Variants in ANKDD1B observed in about 807,000 individuals in gnomAD.
ANKDD1B encodes ankyrin repeat and death domain-containing protein 1B.
ANKDD1B carries 57 observed loss-of-function variants against 59.7 expected under a neutral mutation model. The observed-to-expected ratio is 0.95, with a 90% CI of 0.77 to 1.19. The LOEUF (loss-of-function observed/expected upper bound fraction) is 1.19, where lower values mean the gene tolerates loss of function less well. ANKDD1B is among the 50% of genes most tolerant of loss of function. ANKDD1B has a pLI of 0.00. For synonymous variants in ANKDD1B, 216 were observed against 239.5 expected (o/e 0.90, Z 0.91); for missense variants, 602 against 641.9 (o/e 0.94, Z 0.67).
chr5:75,659,239 C>CT (rs1775051935), intron 9 of ANKDD1B, 44 bp from the exon 10 acceptor site: 1 of 1,427,734 alleles, frequency 7.0e-7, no homozygotes, highest in African/African-American at 1.4e-5. Context: ...TTCCATTTGT[C>CT]TTTTCACCGT....
rs538775313 is a variant in ANKDD1B, at chr5:75,649,433, C to T, written c.799-3709C>T. Reference sequence around the variant, plus strand: ...TGAATGTCAATTAAATATTTATTCACTTCAATTTTGTGGTTTTCTTTTGGT... The same window carrying T: ...TGAATGTCAATTAAATATTTATTCATTTCAATTTTGTGGTTTTCTTTTGGT... On this transcript the variant is annotated intron_variant, in intron 7 of 13. Coordinates refer to ENST00000601380, the MANE Select transcript of ANKDD1B (RefSeq NM_001276713.2). Among the ~76,000 whole-genome samples the T allele has an allele frequency of 2.6e-5, 4 of 152,150 alleles. 1 individual carries two copies. The South Asian group carries it at 8.3e-4, about 32-fold the overall frequency.
intron 1 of ANKDD1B, among the ~76,000 whole-genome samples, chr5:75,613,387 T>C (rs184620365): frequency 5.3e-5 from 8 of 152,176 alleles, no homozygotes; most frequent in Admixed American, 3.9e-4. Context: ...TTCCAGGAGA[T>C]TGACATATGA....
chr5:75,658,170 C>T (rs1364400725), intron 9 of ANKDD1B, among the ~76,000 whole-genome samples: 1 of 152,052 alleles, frequency 6.6e-6, no homozygotes, highest in Non-Finnish European at 1.5e-5. Context: ...GCATTCCAGT[C>T]TGAGTGACAG....
chr5:75,620,280 T>C (rs754476155), intron 2 of ANKDD1B, 35 bp from the exon 3 acceptor site: 3 of 1,097,490 alleles, frequency 2.7e-6, no homozygotes, highest in African/African-American at 3.1e-5. Flanking sequence ...TGAATAATGA[T>C]CAGATGACTA....
intron 2 of ANKDD1B, among the ~76,000 whole-genome samples, chr5:75,619,607 T>C (rs1333379419): frequency 6.6e-6 from 1 of 152,234 alleles, no homozygotes; most frequent in Non-Finnish European, 1.5e-5. Flanking sequence ...CCAGACATCT[T>C]ATTTGGGAGC....
At chr5:75,647,920 C>T (rs1375247135) in intron 7 of ANKDD1B, among the ~76,000 whole-genome samples, 1 of 107,200 alleles carries the variant, frequency 9.3e-6, no homozygotes, top group Non-Finnish European at 1.7e-5. Flanking sequence ...TACTATGCAG[C>T]CATAAAAAAT....
intron 7 of ANKDD1B, among the ~76,000 whole-genome samples, chr5:75,636,444 G>C (rs1401451167): frequency 1.3e-5 from 2 of 152,304 alleles, no homozygotes; most frequent in East Asian, 3.9e-4. Context: ...GAGGATAGGA[G>C]TGCTGGGAAA....
rs1774111463 is a variant in ANKDD1B at position 75,630,209 on chromosome 5, A to G, written c.600+4254A>G. Among the ~76,000 whole-genome samples, 7 of 152,334 alleles carry G rather than the reference A, an allele frequency of 4.6e-5. 1 individual carries two copies. The South Asian group carries it at 1.5e-3, about 32-fold the overall frequency. On this transcript the variant is annotated intron_variant, in intron 5 of 13. Transcript: ENST00000601380. Reference sequence around the variant, plus strand: ...AAAGGATTGGGTAGTTAAAAAAAATAAAGGACATGATAAGAAACTATATTG... The same window carrying G: ...AAAGGATTGGGTAGTTAAAAAAAATGAAGGACATGATAAGAAACTATATTG...
rs1775410847 is a variant in ANKDD1B, at chr5:75,669,381, C to T, written c.1523C>T (p.Ala508Val). 7 of 1,231,964 alleles carry T rather than the reference C, an allele frequency of 5.7e-6. No homozygotes were observed. The highest frequency in any genetic ancestry group is 7.1e-6 in the Non-Finnish European group (7 of 987,920). 76.3% of individuals were successfully genotyped at this position (1,231,964 alleles called of 1,614,324 possible). Reference protein sequence around the residue: ...ELVHAGFPKLAEKTRHFKSKT... With the variant: ...ELVHAGFPKLVEKTRHFKSKT... ...GTACACGCAGGTTTCCCAAAACTAG[C>T]TGGTAAGTGACAGTTTCAACAACAG... The change falls in exon 13 of 14, where the codon GCT becomes GTT. Residue 508 changes from alanine (A) to valine (V), a missense_variant and splice_region_variant. Physicochemically the swap from Ala to Val is moderately conservative, Grantham distance 64. Transcript: ENST00000601380.
chr5:75,664,417 C>T (rs1313909771), intron 11 of ANKDD1B, among the ~76,000 whole-genome samples: 1 of 152,208 alleles, frequency 6.6e-6, no homozygotes, highest in African/African-American at 2.4e-5. Context: ...AAAAAAAGTG[C>T]TTTGCTTGTA....
intron 2 of ANKDD1B, among the ~76,000 whole-genome samples, chr5:75,619,591 C>G (rs963933690): frequency 8.5e-5 from 13 of 152,114 alleles, no homozygotes; most frequent in African/African-American, 2.9e-4. Context: ...AATAGTAAAG[C>G]CATGCCCAGA....
In ANKDD1B at chr5:75,644,955, C is replaced by T. The variant is rs1239434143; in HGVS notation, c.799-8187C>T. On this transcript the variant is annotated intron_variant, in intron 7 of 13. Transcript: ENST00000601380. ...CAGGATTAAGAATCTCACTCAAAGCCGCTCAACTACATGGAAACTGAACAA... is the reference window on the plus strand; with the variant it reads ...CAGGATTAAGAATCTCACTCAAAGCTGCTCAACTACATGGAAACTGAACAA... Among the ~76,000 whole-genome samples, 4 of 127,802 alleles carry T rather than the reference C, an allele frequency of 3.1e-5. 1 individual carries two copies. The highest frequency in any genetic ancestry group is 1.9e-4 in the African/African-American group (4 of 21,264). The allele number at this position is 127,802 out of a possible 152,430, so 83.8% of individuals were successfully genotyped here. A position where few individuals can be genotyped will look rare whatever the true frequency, so the allele number is the denominator to read the frequency against.
intron 3 of ANKDD1B, among the ~76,000 whole-genome samples, chr5:75,623,332 T>G (rs1405466154): frequency 1.3e-5 from 2 of 152,212 alleles, no homozygotes; most frequent in Non-Finnish European, 2.9e-5. Flanking sequence ...CCCAAAGTGC[T>G]GGGATTACAG....
intron 7 of ANKDD1B, among the ~76,000 whole-genome samples, chr5:75,648,284 G>A (rs1203517908): frequency 6.6e-3 from 356 of 53,700 alleles, no homozygotes; most frequent in Non-Finnish European, 8.4e-3. Context: ...AAAAAAAAAA[G>A]AATTCATGGG....
chr5:75,617,635 C>A (rs560285993), intron 2 of ANKDD1B, among the ~76,000 whole-genome samples: 1 of 152,086 alleles, frequency 6.6e-6, no homozygotes, highest in Non-Finnish European at 1.5e-5. Flanking sequence ...TAATGGTATA[C>A]GAAGCATAAG....
Position 75,665,257 on chromosome 5 carries a change from C to T in ANKDD1B, c.1192-1535C>T, listed in dbSNP as rs139303217. Among the ~76,000 whole-genome samples, 1,093 of 152,344 alleles carry T rather than the reference C, an allele frequency of 7.2e-3. 8 individuals are homozygous for T. Among genetic ancestry groups the T allele is most frequent in the Non-Finnish European group, 0.01 (703 of 68,026 alleles). On this transcript the variant is annotated intron_variant, in intron 11 of 13. Transcript: ENST00000601380. ...AGACCTAGGCTTTCCAAATCTCCTG[C>T]CCTTTTCAATGGAAGCCTAAGGGAC...
chr5:75,653,548 A>G (rs1774885303), intron 8 of ANKDD1B, among the ~76,000 whole-genome samples: 1 of 152,186 alleles, frequency 6.6e-6, no homozygotes, highest in African/African-American at 2.4e-5. Flanking sequence ...TATTAATTTT[A>G]TTAGTCTGGG....
chr5:75,621,456 T>C (rs1363560185), intron 3 of ANKDD1B, among the ~76,000 whole-genome samples: 2 of 152,142 alleles, frequency 1.3e-5, no homozygotes, highest in Non-Finnish European at 2.9e-5. Context: ...AGCTGTTCCA[T>C]GCATTCTTTT....
chr5:75,637,008 C>T (rs958870566), intron 7 of ANKDD1B, among the ~76,000 whole-genome samples: 11 of 151,594 alleles, frequency 7.3e-5, no homozygotes, highest in South Asian at 2.1e-4. Flanking sequence ...GCAGTTTGGG[C>T]GGCCGAGGTA....
Sources: gnomAD v4.1 joint callset for allele counts (sites outside exome capture counted in the v4.1 genomes callset) on GRCh38, gnomAD v4.1.1 for gene constraint, MANE v1.5 for transcripts, NCBI Gene and HGNC (gene_info 2026-07-23, HGNC 2026-07-21) for gene names.